Variants in ZSWIM6 observed in about 807,000 individuals in gnomAD.
ZSWIM6 encodes zinc finger SWIM-type containing 6.
Under a neutral mutation model 113.2 loss-of-function variants are expected in ZSWIM6, and 9 were observed. The ratio of observed to expected loss-of-function variants is 0.08; its 90% CI spans 0.05 to 0.14. ZSWIM6 has a LOEUF of 0.14. ZSWIM6 is among the 10% of genes least tolerant of loss of function. ZSWIM6 has a pLI of 1.00. For synonymous variants in ZSWIM6, 611 were observed against 606.5 expected (o/e 1.01, Z -0.11); for missense variants, 1,162 against 1,552.2 (o/e 0.75, Z 4.22).
chr5:61,443,483 T>C (rs760051606), intron 1 of ZSWIM6, among the ~76,000 whole-genome samples: 3 of 152,140 alleles, frequency 2.0e-5, no homozygotes, highest in African/African-American at 4.8e-5. Flanking sequence ...CTAGTACAGT[T>C]CTCTTGAAGT....
chr5:61,377,027 TA>T (rs35288340), intron 1 of ZSWIM6, among the ~76,000 whole-genome samples: 36 of 150,332 alleles, frequency 2.4e-4, no homozygotes, highest in South Asian at 2.1e-3. Flanking sequence ...ATGTAATGTT[TA>T]AAAAAAAAAG....
chr5:61,435,897 T>C (rs1321703419), intron 1 of ZSWIM6, among the ~76,000 whole-genome samples: 1 of 152,186 alleles, frequency 6.6e-6, no homozygotes, highest in East Asian at 1.9e-4. Context: ...CAATTTGTTA[T>C]AATTTTAAAA....
chr5:61,393,150 C>T (rs1449301478), intron 1 of ZSWIM6, among the ~76,000 whole-genome samples: 1 of 152,034 alleles, frequency 6.6e-6, no homozygotes, highest in Non-Finnish European at 1.5e-5. Context: ...AGCGATTCTC[C>T]TGCCTCAGCC....
At chr5:61,438,166 T>C (rs773152238) in intron 1 of ZSWIM6, among the ~76,000 whole-genome samples, 2 of 152,180 alleles carry the variant, frequency 1.3e-5, no homozygotes, top group Non-Finnish European at 2.9e-5. Flanking sequence ...GTAACAAATA[T>C]TGTCAGAGTT....
At chr5:61,365,124 G>C (rs1280839979) in intron 1 of ZSWIM6, among the ~76,000 whole-genome samples, 1 of 152,074 alleles carries the variant, frequency 6.6e-6, no homozygotes, top group African/African-American at 2.4e-5. Flanking sequence ...GATCGAGGCT[G>C]GCGGATCACC....
chr5:61,411,608 A>T (rs1746149587), intron 1 of ZSWIM6, among the ~76,000 whole-genome samples: 2 of 152,236 alleles, frequency 1.3e-5, no homozygotes, highest in South Asian at 4.1e-4. Context: ...CCAGTAGCTT[A>T]TAAACCATAC....
intron 1 of ZSWIM6, among the ~76,000 whole-genome samples, chr5:61,442,523 A>G (rs1446929378): frequency 6.6e-6 from 1 of 152,200 alleles, no homozygotes; most frequent in South Asian, 2.1e-4. Context: ...TCTATCAAAG[A>G]CAGATCACAG....
In ZSWIM6 at chr5:61,357,636, A is replaced by G. The variant is rs1227429057; in HGVS notation, c.676+24688A>G. Among the ~76,000 whole-genome samples, 3 of 151,764 alleles carry G rather than the reference A, an allele frequency of 2.0e-5. No individual in the cohort carries two copies. The East Asian group carries it at 5.8e-4, about 29-fold the overall frequency. ...CTCACTTGAGATATAGAGCTCTCAG[A>G]GTGTATCTGTGGGTAAACACACCCA... On this transcript the variant is annotated intron_variant, in intron 1 of 13. Transcript: ENST00000252744.
At chr5:61,513,915 T>C (rs1251886145) in intron 4 of ZSWIM6, among the ~76,000 whole-genome samples, 3 of 152,128 alleles carry the variant, frequency 2.0e-5, no homozygotes, top group Non-Finnish European at 4.4e-5. Flanking sequence ...CTTTGCCCTT[T>C]TTAAAAATTG....
intron 2 of ZSWIM6, among the ~76,000 whole-genome samples, chr5:61,484,509 G>C (rs1223908715): frequency 6.6e-6 from 1 of 152,154 alleles, no homozygotes; most frequent in Admixed American, 6.5e-5. Context: ...AAAAATAAAA[G>C]TCAAGATTCT....
intron 1 of ZSWIM6, among the ~76,000 whole-genome samples, chr5:61,455,435 T>G (rs1747184988): frequency 1.3e-5 from 2 of 152,216 alleles, no homozygotes; most frequent in South Asian, 4.1e-4. Flanking sequence ...CAGAAGAAAA[T>G]CTCCGACTTG....
intron 1 of ZSWIM6, among the ~76,000 whole-genome samples, chr5:61,420,121 C>T (rs1746325796): frequency 6.6e-6 from 1 of 152,152 alleles, no homozygotes; most frequent in Non-Finnish European, 1.5e-5. Flanking sequence ...TTAGGAACAC[C>T]AAACATTTTA....
At chr5:61,349,811 AT>A (rs893325345) in intron 1 of ZSWIM6, among the ~76,000 whole-genome samples, 4 of 152,166 alleles carry the variant, frequency 2.6e-5, no homozygotes, top group Non-Finnish European at 5.9e-5. Context: ...GGATTAAGTG[AT>A]TGCTTTTTCC....
intron 1 of ZSWIM6, among the ~76,000 whole-genome samples, chr5:61,469,618 TTGTAC>T (rs1239318448): frequency 3.3e-5 from 5 of 152,224 alleles, no homozygotes; most frequent in African/African-American, 1.2e-4. Context: ...CTTTTCTGAC[TTGTAC>T]TGTATAACTC....
chr5:61,481,426 A>T (rs1306248744), intron 2 of ZSWIM6, among the ~76,000 whole-genome samples: 1 of 152,056 alleles, frequency 6.6e-6, no homozygotes, highest in Non-Finnish European at 1.5e-5. Context: ...CCTCAGGATC[A>T]TGAATACTTT....
chr5:61,363,213 A>G (rs1745069610), intron 1 of ZSWIM6, among the ~76,000 whole-genome samples: 1 of 152,212 alleles, frequency 6.6e-6, no homozygotes, highest in African/African-American at 2.4e-5. Flanking sequence ...TCAAATGGAA[A>G]AGGTTTAGTA....
At chr5:61,455,149 T>A (rs1289046629) in intron 1 of ZSWIM6, among the ~76,000 whole-genome samples, 1 of 152,130 alleles carries the variant, frequency 6.6e-6, no homozygotes. Context: ...GAAAAGTAAT[T>A]TATAAAAAAA....
intron 1 of ZSWIM6, among the ~76,000 whole-genome samples, chr5:61,424,532 A>C (rs1214230690): frequency 6.6e-6 from 1 of 152,126 alleles, no homozygotes; most frequent in Admixed American, 6.5e-5. Context: ...ATTTTAGTTC[A>C]CTGCTTCTAA....
intron 1 of ZSWIM6, among the ~76,000 whole-genome samples, chr5:61,438,722 C>T (rs1435813235): frequency 6.6e-6 from 1 of 152,148 alleles, no homozygotes; most frequent in Non-Finnish European, 1.5e-5. Flanking sequence ...AGTACGCTTT[C>T]TCTGCAGGGC....
Sources: gnomAD v4.1 joint callset for allele counts (sites outside exome capture counted in the v4.1 genomes callset) on GRCh38, gnomAD v4.1.1 for gene constraint, MANE v1.5 for transcripts, NCBI Gene and HGNC (gene_info 2026-07-23, HGNC 2026-07-21) for gene names.